NAPEPLD: variants seen among roughly 807,000 people sequenced by gnomAD.
NAPEPLD encodes the protein N-acyl-phosphatidylethanolamine-hydrolyzing phospholipase D.
NAPEPLD carries 23 observed loss-of-function variants against 38.1 expected under a neutral mutation model. That is an observed-to-expected ratio of 0.60 (90% confidence interval 0.43 to 0.86). The LOEUF (loss-of-function observed/expected upper bound fraction) is 0.86, where lower values mean the gene tolerates loss of function less well. NAPEPLD is among the 40% of genes least tolerant of loss of function. The pLI, the probability that NAPEPLD is intolerant of heterozygous loss-of-function variation, is 0.00. For synonymous variants in NAPEPLD, 147 were observed against 162.0 expected (o/e 0.91, Z 0.71); for missense variants, 411 against 476.8 (o/e 0.86, Z 1.28).
rs1487849888 is a variant in NAPEPLD at position 103,119,887 on chromosome 7, C to T, written c.631G>A (p.Val211Met). The change falls in exon 3 of 5, where the codon GTG becomes ATG. Residue 211 changes from valine (V) to methionine (M), a missense_variant. By Grantham distance (21) the Val-to-Met change is conservative. Transcript: ENST00000465647. Reference sequence around the variant, plus strand: ...ATCCAGTCAAGGAGACCCAAAGGCACAAACCATCTCAACTCATTACCAAAT... The same window carrying T: ...ATCCAGTCAAGGAGACCCAAAGGCATAAACCATCTCAACTCATTACCAAAT... ...ERFGNELRWF[V>M]PLGLLDWMQK... 2 of 1,614,192 alleles carry T rather than the reference C, an allele frequency of 1.2e-6. No homozygotes were observed. Among genetic ancestry groups the T allele is most frequent in the Non-Finnish European group, 1.7e-6 (2 of 1,180,048 alleles).
Position 103,119,782 on chromosome 7 carries a change from AAG to A in NAPEPLD, c.734_735del (p.Thr245IlefsTer11). ...CAGTGCTGGGAAGGTGTAAAGACAA[AAG>A]TGACCTTATCATGTCCGGGGACACA... ...ENCVPGHDKV[T>X]FVFTPSQHWC... On this transcript the variant is annotated frameshift_variant, in exon 3 of 5. Coordinates refer to ENST00000465647, the MANE Select transcript of NAPEPLD (RefSeq NM_001122838.3). LOFTEE classifies it high-confidence loss of function. 6.2e-7 allele frequency: 1 copy of A among 1,614,176 alleles called. No homozygotes were observed. Among genetic ancestry groups the A allele is most frequent in the African/African-American group, 1.3e-5 (1 of 75,032 alleles).
chr7:103,145,993 G>T (rs1029467281), intron 1 of NAPEPLD, among the ~76,000 whole-genome samples: 1 of 151,476 alleles, frequency 6.6e-6, no homozygotes, highest in East Asian at 1.9e-4. Context: ...ACACACGCAC[G>T]CACACACATA....
chr7:103,133,029 T>G (rs1311709889), intron 1 of NAPEPLD, among the ~76,000 whole-genome samples: 1 of 152,048 alleles, frequency 6.6e-6, no homozygotes, highest in African/African-American at 2.4e-5. Context: ...TTTTCAGAAA[T>G]GCTCTTTAAA....
At position 103,119,614 on chromosome 7, in the gene NAPEPLD, CA is replaced by C; in HGVS notation, c.903del (p.Phe301LeufsTer17). On this transcript the variant is annotated frameshift_variant, in exon 3 of 5. Transcript: ENST00000465647. LOFTEE classifies it high-confidence loss of function. ...FEEIGKRFGP[F>X]DLAAIPIGAY... ...GCTCCGATGGGAATAGCTGCAAGGT[CA>C]AAAGGTCCAAATCTTTTTCCTATCT... The C allele has an allele frequency of 6.2e-7, 1 of 1,613,900 alleles. No homozygotes were observed. The highest frequency in any genetic ancestry group is 1.3e-5 in the African/African-American group (1 of 74,976).
At chr7:103,128,423 A>G in intron 2 of NAPEPLD, 60 bp downstream of exon 2, 2 of 1,574,304 alleles carry the variant, frequency 1.3e-6, no homozygotes, top group Non-Finnish European at 1.7e-6. Flanking sequence ...AAGGGCTCAA[A>G]TAACTAGAGT....
chr7:103,117,049 G>A (rs1388970271), intron 3 of NAPEPLD, among the ~76,000 whole-genome samples: 4 of 152,180 alleles, frequency 2.6e-5, no homozygotes, highest in Non-Finnish European at 5.9e-5. Flanking sequence ...TGCCTTCCAA[G>A]CCATCAGTTT....
intron 1 of NAPEPLD, among the ~76,000 whole-genome samples, chr7:103,131,980 G>A (rs890146769): frequency 9.9e-5 from 15 of 152,260 alleles, no homozygotes; most frequent in African/African-American, 3.6e-4. Context: ...CGGGCGTGGT[G>A]GCGCGTGCCT....
Position 103,100,452 on chromosome 7 carries a change from A to AATT in NAPEPLD, c.*2974_*2976dup, listed in dbSNP as rs764581239. 1.3e-5 allele frequency: 2 copies of AATT among 152,234 alleles called. No individual in the cohort carries two copies. Among genetic ancestry groups the AATT allele is most frequent in the African/African-American group, 2.4e-5 (1 of 41,472 alleles). The allele number at this position is 152,234 out of a possible 1,614,324, so 9.4% of individuals were successfully genotyped here. ...CAAAATGCTAGAGAAAAGAGGGAGT[A>AATT]ATTTTTAACTACCCAGAAAGAAGAT... On this transcript the variant is annotated 3_prime_UTR_variant, in exon 5 of 5. Transcript: ENST00000465647.
chr7:103,125,012 T>G (rs76387963), intron 2 of NAPEPLD, among the ~76,000 whole-genome samples: 9,336 of 152,260 alleles, frequency 0.061, 501 homozygotes, highest in East Asian at 0.28. Context: ...TGTGTATTAA[T>G]GAGACAAAAA....
At position 103,100,976 on chromosome 7, in the gene NAPEPLD, T is replaced by C. The variant is rs1018963782; in HGVS notation, c.*2453A>G. ...GACGAGTGGAAATAGAACACAACAG[T>C]TTAAAGTGCTTTGAGACCCTCAGTT... On this transcript the variant is annotated 3_prime_UTR_variant, in exon 5 of 5. Transcript: ENST00000465647. 2 of 152,008 alleles carry C rather than the reference T, an allele frequency of 1.3e-5. No homozygotes were observed. The highest frequency in any genetic ancestry group is 4.8e-5 in the African/African-American group (2 of 41,382). The allele number at this position is 152,008 out of a possible 1,614,324, so 9.4% of individuals were successfully genotyped here. A position where few individuals can be genotyped will look rare whatever the true frequency, so the allele number is the denominator to read the frequency against.
chr7:103,136,124 A>G (rs1362400831), intron 1 of NAPEPLD, among the ~76,000 whole-genome samples: 2 of 151,810 alleles, frequency 1.3e-5, no homozygotes, highest in Non-Finnish European at 2.9e-5. Flanking sequence ...AAACTTAGCC[A>G]AGAGTGGTGG....
chr7:103,117,384 C>T (rs1007057611), intron 3 of NAPEPLD, among the ~76,000 whole-genome samples: 1 of 151,994 alleles, frequency 6.6e-6, no homozygotes, highest in Non-Finnish European at 1.5e-5. Context: ...TTTTTAAATC[C>T]TAGTGCAAAT....
intron 4 of NAPEPLD, among the ~76,000 whole-genome samples, chr7:103,109,770 C>T (rs933440738): frequency 1.8e-4 from 10 of 56,936 alleles, no homozygotes; most frequent in East Asian, 9.5e-4. Flanking sequence ...GAGACAGAGA[C>T]GCGAAAAATC....
At chr7:103,125,143 C>T (rs1807497939) in intron 2 of NAPEPLD, among the ~76,000 whole-genome samples, 1 of 152,140 alleles carries the variant, frequency 6.6e-6, no homozygotes, top group South Asian at 2.1e-4. Context: ...AACTTTACTA[C>T]CTATACTGTA....
intron 3 of NAPEPLD, 58 bp downstream of exon 3, chr7:103,119,519 T>G: frequency 1.3e-6 from 2 of 1,529,924 alleles, no homozygotes; most frequent in South Asian, 2.6e-5. Context: ...ATTGCTTTAC[T>G]TTTAAATTCA....
rs377763676 is a variant in NAPEPLD at position 103,140,387 on chromosome 7, C to CTTTT, written c.-17+8420_-17+8423dup. The stretch of plus-strand genomic sequence containing the variant: ...GCCTGATCTTGGAATTCACAGAACT[C>CTTTT]TTTTTTTTTTTTTTTTTTTTTTTGA... On this transcript the variant is annotated intron_variant, in intron 1 of 4. Transcript: ENST00000465647. Among the ~76,000 whole-genome samples the CTTTT allele has an allele frequency of 1.5e-3, 137 of 92,598 alleles. 4 individuals carry two copies. Among genetic ancestry groups the CTTTT allele is most frequent in the East Asian group, 6.0e-3 (16 of 2,688 alleles). The allele number at this position is 92,598 out of a possible 152,430, so 60.7% of individuals were successfully genotyped here.
chr7:103,139,385 A>C (rs970223051), intron 1 of NAPEPLD, among the ~76,000 whole-genome samples: 4 of 152,238 alleles, frequency 2.6e-5, no homozygotes, highest in African/African-American at 9.6e-5. Context: ...ACATTTACAG[A>C]AGTGTCAGCT....
At chr7:103,142,874 C>A (rs148930936) in intron 1 of NAPEPLD, among the ~76,000 whole-genome samples, 1 of 152,096 alleles carries the variant, frequency 6.6e-6, no homozygotes, top group East Asian at 1.9e-4. Context: ...GCAAAAATGA[C>A]CAGAAGACAG....
intron 4 of NAPEPLD, among the ~76,000 whole-genome samples, chr7:103,107,463 G>A (rs983870538): frequency 1.3e-5 from 2 of 152,028 alleles, no homozygotes; most frequent in Non-Finnish European, 2.9e-5. Flanking sequence ...CGAGCTAAAG[G>A]AGCGTATTCT....
Sources: allele counts gnomAD v4.1 joint callset (sites outside exome capture counted in the v4.1 genomes callset), GRCh38; gene constraint gnomAD v4.1.1; transcripts MANE v1.5; gene names NCBI Gene and HGNC (gene_info 2026-07-23, HGNC 2026-07-21).